TBL1XR1: variants seen among roughly 807,000 people sequenced by gnomAD.
TBL1XR1 encodes the protein TBL1X/Y related 1, also known as F-box-like/WD repeat-containing protein TBL1XR1.
Under a neutral mutation model 66.9 loss-of-function variants are expected in TBL1XR1, and 5 were observed. The observed-to-expected ratio is 0.07, with a 90% CI of 0.04 to 0.16. The LOEUF (loss-of-function observed/expected upper bound fraction) is 0.16, where lower values mean the gene tolerates loss of function less well. Among genes scored for constraint, TBL1XR1 ranks in the 10% least tolerant of loss-of-function variants. TBL1XR1 has a pLI of 1.00. For synonymous variants in TBL1XR1, 210 were observed against 206.0 expected (o/e 1.02, Z -0.17); for missense variants, 238 against 623.2 (o/e 0.38, Z 6.58).
At chr3:177,071,031 G>GTTTTTTTTTTCT (rs1719918256) in intron 2 of TBL1XR1, among the ~76,000 whole-genome samples, 1 of 104,716 alleles carries the variant, frequency 9.5e-6, no homozygotes, top group Non-Finnish European at 1.8e-5. Flanking sequence ...CTGAGAATCT[G>GTTTTTTTTTTCT]TTTTTTTTTT....
intron 1 of TBL1XR1, among the ~76,000 whole-genome samples, chr3:177,188,094 G>A (rs1202487231): frequency 2.0e-5 from 3 of 151,810 alleles, no homozygotes; most frequent in African/African-American, 4.8e-5. Flanking sequence ...ACCACACCCG[G>A]CTAATTTCTG....
At chr3:177,199,266 A>G (rs552870625), upstream of TBL1XR1, among the ~76,000 whole-genome samples, 20 of 152,248 alleles carry the variant, frequency 1.3e-4, no homozygotes, top group Non-Finnish European at 2.9e-5. Context: ...GGGAAACCGC[A>G]CAAAGCAAGT....
chr3:177,038,650 C>T (rs1294733993), intron 10 of TBL1XR1, among the ~76,000 whole-genome samples: 4 of 152,056 alleles, frequency 2.6e-5, no homozygotes, highest in African/African-American at 9.7e-5. Flanking sequence ...GTGAGACAGA[C>T]CCTAAGAGAA....
chr3:177,156,385 G>C (rs1731505428), intron 1 of TBL1XR1, among the ~76,000 whole-genome samples: 1 of 151,490 alleles, frequency 6.6e-6, no homozygotes, highest in African/African-American at 2.4e-5. Flanking sequence ...TGTAATCCCA[G>C]CTACTCGGGA....
chr3:177,174,872 T>C (rs533921535), intron 1 of TBL1XR1, among the ~76,000 whole-genome samples: 1 of 152,286 alleles, frequency 6.6e-6, no homozygotes, highest in East Asian at 1.9e-4. Context: ...CCTTCACTAG[T>C]TCCTATTACG....
intron 1 of TBL1XR1, among the ~76,000 whole-genome samples, chr3:177,140,457 T>C (rs1729506533): frequency 6.6e-6 from 1 of 152,158 alleles, no homozygotes; most frequent in Non-Finnish European, 1.5e-5. Flanking sequence ...ATTTACGACA[T>C]GAAAAAGCTT....
intron 2 of TBL1XR1, among the ~76,000 whole-genome samples, chr3:177,090,905 A>AT (rs888375691): frequency 6.6e-6 from 1 of 152,102 alleles, no homozygotes; most frequent in Non-Finnish European, 1.5e-5. Context: ...GGGAGAATCG[A>AT]TTGAGCCCAG....
rs184316741 is a variant in TBL1XR1, at chr3:177,083,955, G to T, written c.-46+14511C>A. Among the ~76,000 whole-genome samples the T allele has an allele frequency of 4.0e-3, 613 of 151,856 alleles. 2 individuals are homozygous for T. Among genetic ancestry groups the T allele is most frequent in the Middle Eastern group, 0.014 (4 of 294 alleles). On this transcript the variant is annotated intron_variant, in intron 2 of 15. Coordinates refer to ENST00000457928, the MANE Select transcript of TBL1XR1 (RefSeq NM_024665.7). The stretch of plus-strand genomic sequence containing the variant: ...ATACAAAAATTAGCTGGGCGTGGTG[G>T]CGGGCACCTGTAATCCCGGCTACTT...
chr3:177,135,338 C>CATATACAT (rs1728834388), intron 1 of TBL1XR1, among the ~76,000 whole-genome samples: 1 of 22,478 alleles, frequency 4.4e-5, no homozygotes, highest in Non-Finnish European at 8.0e-5. Context: ...TGTGTGTATA[C>CATATACAT]ATATATATAT....
At chr3:177,071,599 T>C (rs1321549216) in intron 2 of TBL1XR1, among the ~76,000 whole-genome samples, 1 of 152,026 alleles carries the variant, frequency 6.6e-6, no homozygotes, top group Non-Finnish European at 1.5e-5. Flanking sequence ...CAAAGTATAG[T>C]TTTAAAAAAA....
At chr3:177,080,671 G>C (rs1396388142) in intron 2 of TBL1XR1, among the ~76,000 whole-genome samples, 3 of 151,780 alleles carry the variant, frequency 2.0e-5, no homozygotes, top group African/African-American at 4.8e-5. Context: ...TTTTAAAAGA[G>C]TGTCTCCATG....
chr3:177,032,925 T>C (rs1298385734), intron 14 of TBL1XR1, 46 bp downstream of exon 14: 20 of 1,430,452 alleles, frequency 1.4e-5, no homozygotes, highest in Non-Finnish European at 1.9e-5. Flanking sequence ...CAAATGCTTC[T>C]ACCTAAATTT....
intron 1 of TBL1XR1, among the ~76,000 whole-genome samples, chr3:177,182,740 T>C (rs1391036486): frequency 6.6e-6 from 1 of 151,798 alleles, no homozygotes; most frequent in African/African-American, 2.4e-5. Context: ...GGCAAGGATG[T>C]TAATTTAAGA....
chr3:177,022,083 T>C lies in TBL1XR1; in HGVS notation c.*3415A>G, dbSNP rs1431272415. 2 of 152,490 alleles carry C rather than the reference T, an allele frequency of 1.3e-5. No individual in the cohort carries two copies. The highest frequency in any genetic ancestry group is 4.8e-5 in the African/African-American group (2 of 41,392). 9.4% of individuals were successfully genotyped at this position (152,490 alleles called of 1,614,324 possible). A position where few individuals can be genotyped will look rare whatever the true frequency, so the allele number is the denominator to read the frequency against. The stretch of plus-strand genomic sequence containing the variant: ...ACATAAACAGATAGCTCCTTAAAAA[T>C]AGTACTCTCTCATTAAATCTAATTT... On this transcript the variant is annotated 3_prime_UTR_variant, in exon 16 of 16. Transcript: ENST00000457928.
intron 1 of TBL1XR1, among the ~76,000 whole-genome samples, chr3:177,181,789 C>T (rs564501394): frequency 1.3e-5 from 2 of 150,456 alleles, no homozygotes; most frequent in African/African-American, 4.9e-5. Context: ...GAATCATATG[C>T]CAGTATCAGG....
intron 1 of TBL1XR1, among the ~76,000 whole-genome samples, chr3:177,182,658 G>T (rs1486998821): frequency 6.6e-6 from 1 of 152,190 alleles, no homozygotes; most frequent in Admixed American, 6.5e-5. Context: ...TCTGCCTAGT[G>T]AGATGAGGCA....
At chr3:177,044,152 C>G (rs1003281371) in intron 10 of TBL1XR1, among the ~76,000 whole-genome samples, 2 of 152,154 alleles carry the variant, frequency 1.3e-5, no homozygotes, top group African/African-American at 4.8e-5. Context: ...TTATCCTAAC[C>G]AGTGCACTTT....
At chr3:177,074,225 G>C (rs191988722) in intron 2 of TBL1XR1, among the ~76,000 whole-genome samples, 10 of 152,298 alleles carry the variant, frequency 6.6e-5, no homozygotes, top group Admixed American at 6.5e-4. Flanking sequence ...GAGATGTAGG[G>C]AGTGAAAGAG....
chr3:177,067,701 G>GT (rs560028486), intron 2 of TBL1XR1, among the ~76,000 whole-genome samples: 412 of 148,970 alleles, frequency 2.8e-3, no homozygotes, highest in African/African-American at 7.1e-3. Context: ...CGGCAATTAA[G>GT]TTTTTTTTTT....
Sources: allele counts gnomAD v4.1 joint callset (sites outside exome capture counted in the v4.1 genomes callset), GRCh38; gene constraint gnomAD v4.1.1; transcripts MANE v1.5; gene names NCBI Gene and HGNC (gene_info 2026-07-23, HGNC 2026-07-21).